FBXW11: variants seen among roughly 807,000 people sequenced by gnomAD.
The protein encoded by FBXW11 is F-box/WD repeat-containing protein 11.
A neutral mutation model predicts 77.6 loss-of-function variants in FBXW11; 19 were observed. That is an observed-to-expected ratio of 0.24 (90% confidence interval 0.17 to 0.36). The LOEUF (loss-of-function observed/expected upper bound fraction) is 0.36. FBXW11 is among the 10% of genes least tolerant of loss of function. The pLI, the probability that FBXW11 is intolerant of heterozygous loss-of-function variation, is 1.00. For synonymous variants in FBXW11, 235 were observed against 249.4 expected, an observed-to-expected ratio of 0.94 and a Z score of 0.54; for missense variants, 334 against 704.2, an observed-to-expected ratio of 0.47 and a Z score of 5.95.
At chr5:171,959,316 G>GAATAAAATAATGA (rs1389645794) in intron 1 of FBXW11, among the ~76,000 whole-genome samples, 1 of 151,880 alleles carries the variant, frequency 6.6e-6, no homozygotes, top group African/African-American at 2.4e-5. Context: ...AGAAGGTGCT[G>GAATAAAATAATGA]AATAAAATAA....
intron 2 of FBXW11, among the ~76,000 whole-genome samples, chr5:171,951,083 A>C (rs1457929271): frequency 6.6e-6 from 1 of 152,102 alleles, no homozygotes; most frequent in Non-Finnish European, 1.5e-5. Context: ...TAATTTAATT[A>C]AGTCATAATA....
chr5:171,941,823 G>A lies in FBXW11; in HGVS notation c.147+15774C>T, dbSNP rs1762767641. ...AATAAAGGTGCTAAAAATCCTTTGTGACTTTTAGGTTGGGAAAGACGCATG... is the reference window on the plus strand; with the variant it reads ...AATAAAGGTGCTAAAAATCCTTTGTAACTTTTAGGTTGGGAAAGACGCATG... On this transcript the variant is annotated intron_variant, in intron 2 of 13. Coordinates refer to ENST00000517395, the MANE Select transcript of FBXW11 (RefSeq NM_001378974.1). 3.3e-5 allele frequency among the ~76,000 whole-genome samples: 5 copies of A among 150,786 alleles called. No homozygotes were observed. The South Asian group carries it at 8.4e-4, about 25-fold the overall frequency.
chr5:171,969,702 T>C (rs1056973291), intron 1 of FBXW11, among the ~76,000 whole-genome samples: 7 of 151,762 alleles, frequency 4.6e-5, no homozygotes, highest in African/African-American at 1.7e-4. Context: ...ACTAGCAGCT[T>C]TTTTTGTTTT....
chr5:171,905,370 T>C (rs1760408662), intron 4 of FBXW11, among the ~76,000 whole-genome samples: 1 of 152,170 alleles, frequency 6.6e-6, no homozygotes, highest in African/African-American at 2.4e-5. Flanking sequence ...CATACCCTCA[T>C]TTTACATAGA....
At chr5:171,878,603 AGTGTGTGTGTGTGT>A (rs34099380) in intron 7 of FBXW11, among the ~76,000 whole-genome samples, 4 of 128,474 alleles carry the variant, frequency 3.1e-5, no homozygotes, top group Non-Finnish European at 4.9e-5. Context: ...AGAGAGAGAG[AGTGTGTGTGTGTGT>A]GTGTGTGTGT....
At chr5:171,910,483 C>A in intron 4 of FBXW11, 89 bp downstream of exon 4, 1 of 794,896 alleles carries the variant, frequency 1.3e-6, no homozygotes, top group Admixed American at 2.6e-5. Flanking sequence ...TCACACAGTA[C>A]TCATTCAATC....
intron 4 of FBXW11, among the ~76,000 whole-genome samples, chr5:171,906,793 G>C (rs1310037291): frequency 6.6e-6 from 1 of 152,144 alleles, no homozygotes. Flanking sequence ...GCTTTTTCCT[G>C]TCACGCTGCT....
chr5:171,995,046 C>T (rs1183536959), intron 1 of FBXW11, among the ~76,000 whole-genome samples: 1 of 152,096 alleles, frequency 6.6e-6, no homozygotes, highest in Non-Finnish European at 1.5e-5. Context: ...AAACAAGGAT[C>T]ACGAAGTCAG....
At chr5:171,933,228 C>T (rs1762310006) in intron 2 of FBXW11, among the ~76,000 whole-genome samples, 1 of 147,766 alleles carries the variant, frequency 6.8e-6, no homozygotes, top group Admixed American at 6.8e-5. Flanking sequence ...CTGGTGGAAA[C>T]TTAAACATCT....
At chr5:172,001,224 C>T (rs1766392587) in intron 1 of FBXW11, among the ~76,000 whole-genome samples, 1 of 152,078 alleles carries the variant, frequency 6.6e-6, no homozygotes, top group Non-Finnish European at 1.5e-5. Flanking sequence ...TATTGAGCAC[C>T]CATGTGCTGA....
intron 2 of FBXW11, among the ~76,000 whole-genome samples, chr5:171,918,650 T>A (rs2113973791): frequency 6.6e-6 from 1 of 152,352 alleles, no homozygotes; most frequent in African/African-American, 2.4e-5. Flanking sequence ...CCTATTATTC[T>A]GATACTACTA....
chr5:171,899,897 G>A lies in FBXW11; in HGVS notation c.623+17C>T. 2 of 1,566,494 alleles carry A rather than the reference G, an allele frequency of 1.3e-6. No homozygotes were observed. Among genetic ancestry groups the A allele is most frequent in the Non-Finnish European group, 1.7e-6 (2 of 1,154,768 alleles). ...CAATAAAATTTTTTCAAGGGAACAA[G>A]CAACCCAAGTACTTACCACCCTCTT... On this transcript the variant is annotated intron_variant, in intron 5 of 13. Coordinates refer to ENST00000517395, the MANE Select transcript of FBXW11 (RefSeq NM_001378974.1).
intron 1 of FBXW11, among the ~76,000 whole-genome samples, chr5:171,960,531 A>G (rs1298579624): frequency 2.6e-5 from 4 of 152,244 alleles, no homozygotes; most frequent in African/African-American, 9.6e-5. Context: ...AAAACCATGA[A>G]AGCATAAGGT....
chr5:171,924,931 G>T (rs1380074288), intron 2 of FBXW11, among the ~76,000 whole-genome samples: 1 of 152,060 alleles, frequency 6.6e-6, no homozygotes, highest in African/African-American at 2.4e-5. Flanking sequence ...AAGTGCCACC[G>T]CATTCCCCCT....
chr5:171,877,237 G>T (rs1758148302), intron 8 of FBXW11, among the ~76,000 whole-genome samples: 1 of 152,152 alleles, frequency 6.6e-6, no homozygotes, highest in African/African-American at 2.4e-5. Context: ...GATTCCTCTA[G>T]ATAGTAGATT....
chr5:171,867,919 A>T (rs1757514370), intron 13 of FBXW11: 2 of 152,260 alleles, frequency 1.3e-5, no homozygotes, highest in South Asian at 4.1e-4. Context: ...CAGAGTTGTC[A>T]ATACTGTTCC....
In FBXW11 at chr5:171,873,004, T is replaced by C; in HGVS notation, c.1222-14A>G. 2 of 1,598,260 alleles carry C rather than the reference T, an allele frequency of 1.3e-6. No individual in the cohort carries two copies. The highest frequency in any genetic ancestry group is 1.7e-6 in the Non-Finnish European group (2 of 1,166,786). On this transcript the variant is annotated splice_polypyrimidine_tract_variant and intron_variant, in intron 9 of 13. Transcript: ENST00000517395. ...CGTGCTCCAGACCTGTATAACAAAT[T>C]AACAGTATTTTAAAGAATGAACACA...
At chr5:171,920,318 T>C (rs950494608) in intron 2 of FBXW11, among the ~76,000 whole-genome samples, 2 of 151,962 alleles carry the variant, frequency 1.3e-5, no homozygotes, top group African/African-American at 2.4e-5. Flanking sequence ...CAGGTCTCCA[T>C]TATCCTCAGA....
chr5:171,979,220 C>T (rs768325675), intron 1 of FBXW11, among the ~76,000 whole-genome samples: 19 of 152,290 alleles, frequency 1.2e-4, no homozygotes, highest in Middle Eastern at 3.4e-3. Context: ...ACTCAGTCAA[C>T]TGAGGTGGAT....
Sources: gnomAD v4.1 joint callset for allele counts (sites outside exome capture counted in the v4.1 genomes callset) on GRCh38, gnomAD v4.1.1 for gene constraint, MANE v1.5 for transcripts, NCBI Gene and HGNC (gene_info 2026-07-23, HGNC 2026-07-21) for gene names.